The following CFAP20DC variants were observed in gnomAD, a reference collection of about 807,000 sequenced individuals.
CFAP20DC encodes CFAP20 domain containing, also known as protein CFAP20DC.
Under a neutral mutation model 101.7 loss-of-function variants are expected in CFAP20DC, and 84 were observed. The ratio of observed to expected loss-of-function variants is 0.83; its 90% confidence interval spans 0.69 to 0.99. CFAP20DC has a LOEUF of 0.99. Among genes scored for constraint, CFAP20DC ranks in the 50% least tolerant of loss-of-function variants. The pLI is 0.00. For missense variants in CFAP20DC, 1,007 were observed against 970.3 expected (o/e 1.04, Z -0.50); for synonymous variants, 359 against 351.2 (o/e 1.02, Z -0.25).
chr3:58,925,882 A>T lies in CFAP20DC; in HGVS notation c.393+11766T>A, dbSNP rs531469690. On this transcript the variant is annotated intron_variant, in intron 5 of 16. Coordinates refer to ENST00000482387, the MANE Select transcript of CFAP20DC (RefSeq NM_001394063.1). ...AGCATTCTGCCAATTTAAGTATTTTAAAAATGGGGTGACCCTAAAACTAAA... is the reference window on the plus strand; with the variant it reads ...AGCATTCTGCCAATTTAAGTATTTTTAAAATGGGGTGACCCTAAAACTAAA... Among the ~76,000 whole-genome samples the T allele has an allele frequency of 3.3e-5, 5 of 152,312 alleles. No individual in the cohort carries two copies. In the South Asian group the frequency reaches 1.0e-3, roughly 32 times the overall value.
intron 15 of CFAP20DC, among the ~76,000 whole-genome samples, chr3:58,772,605 C>T (rs1021821210): frequency 7.9e-5 from 12 of 152,210 alleles, no homozygotes; most frequent in African/African-American, 2.9e-4. Context: ...ACTTGCCCTA[C>T]CTCATAAATA....
intron 14 of CFAP20DC, among the ~76,000 whole-genome samples, chr3:58,820,194 T>C (rs1025577664): frequency 6.6e-6 from 1 of 151,272 alleles, no homozygotes. Flanking sequence ...TCATACTGAA[T>C]GGGAAAAAAC....
At chr3:58,833,627 G>A (rs1423271964) in intron 13 of CFAP20DC, among the ~76,000 whole-genome samples, 3 of 152,192 alleles carry the variant, frequency 2.0e-5, no homozygotes, top group Admixed American at 6.6e-5. Context: ...TGGCAGAAAA[G>A]TAGAATGTTG....
chr3:58,763,326 G>C (rs1299332855), intron 15 of CFAP20DC, among the ~76,000 whole-genome samples: 1 of 140,090 alleles, frequency 7.1e-6, no homozygotes, highest in Non-Finnish European at 1.6e-5. Flanking sequence ...CCAGTTGATC[G>C]AATCGGCTAC....
At chr3:58,750,941 AT>A (rs557580514) in intron 16 of CFAP20DC, among the ~76,000 whole-genome samples, 5 of 152,336 alleles carry the variant, frequency 3.3e-5, no homozygotes, top group African/African-American at 1.2e-4. Flanking sequence ...TCATAATTAA[AT>A]TTTAGAAATA....
chr3:58,765,009 A>T (rs558460893), intron 15 of CFAP20DC, among the ~76,000 whole-genome samples: 1 of 152,216 alleles, frequency 6.6e-6, no homozygotes, highest in Non-Finnish European at 1.5e-5. Flanking sequence ...AATTTTTATA[A>T]TGAACAGATT....
chr3:58,991,214 C>A (rs947102361), intron 4 of CFAP20DC, among the ~76,000 whole-genome samples: 7 of 152,106 alleles, frequency 4.6e-5, no homozygotes, highest in Admixed American at 2.6e-4. Context: ...CAATTGTGGT[C>A]CACATCCTTA....
Position 58,863,703 on chromosome 3 carries a change from CT to C in CFAP20DC, c.1447del (p.Arg483AspfsTer24), listed in dbSNP as rs751275835. 1.0e-4 allele frequency: 169 copies of C among 1,614,108 alleles called. No homozygotes were observed. The highest frequency in any genetic ancestry group is 1.4e-4 in the Non-Finnish European group (162 of 1,180,026). ...CTTTCCATGAGGTGCTGATCGTGGT[CT>C]TGATGAAAAAGTGAAAATGTCCTTT... ...VPKDIFTFSS[R>X]PRSAPHGKTQ... On this transcript the variant is annotated frameshift_variant, in exon 12 of 17. Transcript: ENST00000482387. LOFTEE classifies it high-confidence loss of function. The surrounding 1 kb of genome is among the most constrained non-coding windows in gnomAD (Gnocchi z 5.9).
intron 8 of CFAP20DC, 155 bp downstream of exon 8, chr3:58,870,018 C>T (rs565152406): frequency 1.5e-5 from 10 of 646,064 alleles, no homozygotes; most frequent in African/African-American, 1.1e-4. Flanking sequence ...AATTTCTGTT[C>T]CAAATTTATT....
At chr3:58,768,409 T>C (rs999752495) in intron 15 of CFAP20DC, among the ~76,000 whole-genome samples, 1 of 152,176 alleles carries the variant, frequency 6.6e-6, no homozygotes, top group Admixed American at 6.5e-5. Context: ...CAGTTTGGGA[T>C]GATGGAAGTG....
intron 4 of CFAP20DC, among the ~76,000 whole-genome samples, chr3:59,029,406 A>G (rs898762643): frequency 2.0e-5 from 3 of 152,182 alleles, no homozygotes; most frequent in Non-Finnish European, 4.4e-5. Flanking sequence ...GGAAAATCAT[A>G]AAAGGGCTTT....
intron 15 of CFAP20DC, among the ~76,000 whole-genome samples, chr3:58,789,540 CA>C (rs1374321851): frequency 6.6e-6 from 1 of 152,126 alleles, no homozygotes; most frequent in African/African-American, 2.4e-5. Flanking sequence ...AGGTGAATGA[CA>C]ATTCAATTTC....
rs1185849797 is a variant in CFAP20DC, at chr3:58,900,585, A to G, written c.550+13123T>C. Among the ~76,000 whole-genome samples, 6 of 152,362 alleles carry G rather than the reference A, an allele frequency of 3.9e-5. No individual in the cohort carries two copies. The East Asian group carries it at 1.2e-3, about 29-fold the overall frequency. ...CTGATTAACATCTAGATAAGGACAT[A>G]GCTGAATCTAAACTGCTTTTGCTAA... On this transcript the variant is annotated intron_variant, in intron 6 of 16. Transcript: ENST00000482387.
At chr3:58,810,108 G>A (rs907098554) in intron 14 of CFAP20DC, among the ~76,000 whole-genome samples, 6 of 152,042 alleles carry the variant, frequency 3.9e-5, no homozygotes, top group African/African-American at 7.2e-5. Flanking sequence ...ACTCACAGCC[G>A]AATTCTATCA....
chr3:59,005,786 C>T (rs932542190), intron 4 of CFAP20DC, among the ~76,000 whole-genome samples: 1 of 152,086 alleles, frequency 6.6e-6, no homozygotes, highest in African/African-American at 2.4e-5. Flanking sequence ...ATAGAGACTA[C>T]ATTATTTGCG....
At chr3:58,998,401 T>A (rs1045461760) in intron 4 of CFAP20DC, among the ~76,000 whole-genome samples, 1 of 152,180 alleles carries the variant, frequency 6.6e-6, no homozygotes, top group Non-Finnish European at 1.5e-5. Context: ...ATCAAACTCA[T>A]GGGATTAAAC....
At chr3:58,883,492 T>C (rs530784678) in intron 7 of CFAP20DC, among the ~76,000 whole-genome samples, 3 of 152,304 alleles carry the variant, frequency 2.0e-5, no homozygotes, top group Admixed American at 6.5e-5. Flanking sequence ...AGTAAACTTA[T>C]CTACCCATTT....
chr3:58,989,910 T>A (rs1402474113), intron 4 of CFAP20DC, among the ~76,000 whole-genome samples: 1 of 152,150 alleles, frequency 6.6e-6, no homozygotes, highest in South Asian at 2.1e-4. Context: ...AATCATGACC[T>A]CTGAGAAAGG....
At chr3:58,834,577 C>A (rs185866348) in intron 13 of CFAP20DC, among the ~76,000 whole-genome samples, 179 of 152,152 alleles carry the variant, frequency 1.2e-3, no homozygotes, top group Non-Finnish European at 1.4e-3. Flanking sequence ...AGTGGTTAAG[C>A]CAGAAAAATC....
Sources: gnomAD v4.1 joint callset for allele counts (sites outside exome capture counted in the v4.1 genomes callset) on GRCh38, gnomAD v4.1.1 for gene constraint, Gnocchi (gnomAD v3.1) non-coding constraint, MANE v1.5 for transcripts, NCBI Gene and HGNC (gene_info 2026-07-23, HGNC 2026-07-21) for gene names.